TMEM232: variants seen among roughly 807,000 people sequenced by gnomAD.
TMEM232 encodes the protein transmembrane protein 232.
TMEM232 carries 80 observed loss-of-function variants against 78.8 expected under a neutral mutation model. The observed-to-expected ratio is 1.01, with a 90% CI of 0.85 to 1.22. TMEM232 has a LOEUF of 1.22. Among genes scored for constraint, TMEM232 ranks in the 50% most tolerant of loss-of-function variants. The pLI, the probability that TMEM232 is intolerant of heterozygous loss-of-function variation, is 0.00. For missense variants in TMEM232, 881 were observed against 742.2 expected, an observed-to-expected ratio of 1.19 and a Z score of -2.17; for synonymous variants, 297 against 254.3, an observed-to-expected ratio of 1.17 and a Z score of -1.60.
Position 110,606,241 on chromosome 5 carries a change from A to G in TMEM232, c.949T>C (p.Leu317=). The change falls in exon 9 of 14, where the codon TTA becomes CTA. Residue 317 remains leucine, a synonymous_variant. Transcript: ENST00000455884. ...AAAGCTTTCAAGCAGGCCATGTTTA[A>G]TTTGGCAGCCTCCCCAAGGACCAGT... ...ALLVLGEAAK[L]NMACLKALMD... The G allele has an allele frequency of 6.5e-7, 1 of 1,543,758 alleles. No individual in the cohort carries two copies. The highest frequency in any genetic ancestry group is 8.8e-7 in the Non-Finnish European group (1 of 1,141,424).
intron 1 of TMEM232, among the ~76,000 whole-genome samples, chr5:110,671,751 G>T (rs931306659): frequency 1.3e-5 from 2 of 152,072 alleles, no homozygotes; most frequent in East Asian, 1.9e-4. Context: ...GTCAGTGGGT[G>T]GGGGGCCAGA....
intron 1 of TMEM232, among the ~76,000 whole-genome samples, chr5:110,680,638 C>T (rs1339999513): frequency 6.6e-6 from 1 of 151,798 alleles, no homozygotes; most frequent in Non-Finnish European, 1.5e-5. Flanking sequence ...AAAACCTTCT[C>T]TAAAAAGAAG....
At chr5:110,555,290 A>T (rs1774942287) in intron 11 of TMEM232, among the ~76,000 whole-genome samples, 1 of 152,194 alleles carries the variant, frequency 6.6e-6, no homozygotes, top group South Asian at 2.1e-4. Context: ...ATTTAGGAGC[A>T]GGTTGCTTAA....
chr5:110,443,024 G>A (rs1759235540), intron 12 of TMEM232, among the ~76,000 whole-genome samples: 1 of 152,138 alleles, frequency 6.6e-6, no homozygotes, highest in Non-Finnish European at 1.5e-5. Context: ...ACTATGCTGG[G>A]TCAACCTGAT....
intron 1 of TMEM232, among the ~76,000 whole-genome samples, chr5:110,723,813 A>T (rs1797890919): frequency 6.6e-6 from 1 of 152,144 alleles, no homozygotes; most frequent in Non-Finnish European, 1.5e-5. Flanking sequence ...GATGTTGGTA[A>T]AGTTTACTTT....
intron 1 of TMEM232, among the ~76,000 whole-genome samples, chr5:110,723,807 T>A (rs950442774): frequency 6.6e-6 from 1 of 152,202 alleles, no homozygotes; most frequent in Non-Finnish European, 1.5e-5. Flanking sequence ...GTAGGGGATG[T>A]TGGTAAAGTT....
chr5:110,612,621 C>T lies in TMEM232; in HGVS notation c.902+5808G>A, dbSNP rs142870901. Among the ~76,000 whole-genome samples the T allele has an allele frequency of 2.1e-3, 320 of 152,176 alleles. 1 individual carries two copies. The highest frequency in any genetic ancestry group is 3.4e-3 in the Non-Finnish European group (232 of 68,022). On this transcript the variant is annotated intron_variant, in intron 8 of 13. Transcript: ENST00000455884. ...AGTTAATTCCTTGTTTCATTCATTT[C>T]GATGCAAACACAAACAGTATGTCTG...
At chr5:110,515,118 C>G (rs1424693212) in intron 12 of TMEM232, among the ~76,000 whole-genome samples, 1 of 152,092 alleles carries the variant, frequency 6.6e-6, no homozygotes, top group East Asian at 1.9e-4. Context: ...ACTAATTAAC[C>G]TCATCAAAAC....
intron 12 of TMEM232, among the ~76,000 whole-genome samples, chr5:110,518,923 A>G (rs1276933864): frequency 6.6e-6 from 1 of 152,100 alleles, no homozygotes; most frequent in Non-Finnish European, 1.5e-5. Context: ...GTTAGAATCT[A>G]GAAGCTGGTG....
intron 1 of TMEM232, among the ~76,000 whole-genome samples, chr5:110,736,710 G>C (rs1396879242): frequency 6.6e-6 from 1 of 151,884 alleles, no homozygotes; most frequent in Admixed American, 6.6e-5. Context: ...TACAGAGCCA[G>C]GTGGATTCCT....
rs372034475 is a variant in TMEM232, at chr5:110,541,876, C to T, written c.1456-13041G>A. ...CAGCAGGTTTTACAAAAGTTTGAAA[C>T]TCAAAGGCTCTCCACACCAGGAACT... is the stretch of plus-strand genomic sequence containing the variant. On this transcript the variant is annotated intron_variant, in intron 11 of 13. Transcript: ENST00000455884. Among the ~76,000 whole-genome samples, 9 of 152,222 alleles carry T rather than the reference C, an allele frequency of 5.9e-5. 1 individual carries two copies. Among genetic ancestry groups the T allele is most frequent in the East Asian group, 5.8e-4 (3 of 5,178 alleles).
intron 10 of TMEM232, among the ~76,000 whole-genome samples, chr5:110,595,169 T>A (rs904243891): frequency 1.3e-5 from 2 of 152,188 alleles, no homozygotes; most frequent in African/African-American, 2.4e-5. Flanking sequence ...CCAGCAGACG[T>A]GCAGAAGAGG....
Position 110,420,665 on chromosome 5 carries a change from A to G in TMEM232, c.1889T>C (p.Phe630Ser), listed in dbSNP as rs762491394. 13 of 1,526,764 alleles carry G rather than the reference A, an allele frequency of 8.5e-6. No individual in the cohort carries two copies. In the South Asian group the frequency reaches 1.6e-4, roughly 19 times the overall value. 94.6% of individuals were successfully genotyped at this position (1,526,764 alleles called of 1,614,324 possible). A position where few individuals can be genotyped will look rare whatever the true frequency, so the allele number is the denominator to read the frequency against. Residue 630 changes from phenylalanine to serine, a missense_variant, in exon 14 of 14, where the codon TTT becomes TCT. By Grantham distance (155) the Phe-to-Ser change is radical. Coordinates refer to ENST00000455884, the MANE Select transcript of TMEM232 (RefSeq NM_001039763.4). ...TTCTCTTTTCTTCATAACTTCTTGAAAGTGATTTTTCTCTGCTAACTTTTT... is the reference window on the plus strand; with the variant it reads ...TTCTCTTTTCTTCATAACTTCTTGAGAGTGATTTTTCTCTGCTAACTTTTT... The part of the protein sequence containing the change: ...KDKKLAEKNH[F>S]QEVMKKREEK...
intron 7 of TMEM232, among the ~76,000 whole-genome samples, chr5:110,624,285 T>A (rs1345220883): frequency 6.6e-6 from 1 of 152,144 alleles, no homozygotes; most frequent in Non-Finnish European, 1.5e-5. Flanking sequence ...TTTAATAATT[T>A]TATAAAGCAC....
chr5:110,539,045 C>A (rs527258824), intron 11 of TMEM232, among the ~76,000 whole-genome samples: 1 of 152,166 alleles, frequency 6.6e-6, no homozygotes, highest in African/African-American at 2.4e-5. Flanking sequence ...AATAGGGGCA[C>A]TGCTACAATG....
intron 1 of TMEM232, among the ~76,000 whole-genome samples, chr5:110,707,452 T>C (rs887438099): frequency 2.0e-5 from 3 of 152,196 alleles, no homozygotes; most frequent in East Asian, 3.8e-4. Context: ...TGCATGAAAG[T>C]AGCAGTTGGA....
At chr5:110,598,415 ACT>A (rs1389692533) in intron 10 of TMEM232, among the ~76,000 whole-genome samples, 1 of 152,194 alleles carries the variant, frequency 6.6e-6, no homozygotes, top group Non-Finnish European at 1.5e-5. Context: ...TGTTGGTGGG[ACT>A]GTAAACTAGT....
intron 10 of TMEM232, among the ~76,000 whole-genome samples, chr5:110,579,582 T>C (rs1777941152): frequency 6.6e-6 from 1 of 151,778 alleles, no homozygotes; most frequent in Non-Finnish European, 1.5e-5. Context: ...AGTGTAGAGT[T>C]TTGTATAAGA....
At chr5:110,452,174 A>C (rs886755020) in intron 12 of TMEM232, among the ~76,000 whole-genome samples, 1 of 152,174 alleles carries the variant, frequency 6.6e-6, no homozygotes, top group Admixed American at 6.5e-5. Context: ...TTCCATGTCC[A>C]TAAAATAAAT....
Sources: allele counts gnomAD v4.1 joint callset (sites outside exome capture counted in the v4.1 genomes callset), GRCh38; gene constraint gnomAD v4.1.1; transcripts MANE v1.5; gene names NCBI Gene and HGNC (gene_info 2026-07-23, HGNC 2026-07-21).